CLVS1: variants seen among roughly 807,000 people sequenced by gnomAD.
The protein encoded by CLVS1 is clavesin 1.
A neutral mutation model predicts 33.1 loss-of-function variants in CLVS1; 10 were observed. That is an observed-to-expected ratio of 0.30 (90% CI 0.19 to 0.51). CLVS1 has a LOEUF of 0.51. Among genes scored for constraint, CLVS1 ranks in the 20% least tolerant of loss-of-function variants. The pLI is 0.97. For synonymous variants in CLVS1, 163 were observed against 166.1 expected (o/e 0.98, Z 0.14); for missense variants, 343 against 433.4 (o/e 0.79, Z 1.85).
intron 2 of CLVS1, among the ~76,000 whole-genome samples, chr8:61,167,764 G>A (rs1042700760): frequency 6.6e-6 from 1 of 152,090 alleles, no homozygotes; most frequent in Non-Finnish European, 1.5e-5. Flanking sequence ...TAAAGAAGCC[G>A]GCTAAAACCC....
chr8:61,016,436 C>T, the CLVS1 span, among the ~76,000 whole-genome samples: 23,056 of 152,202 alleles, frequency 0.15, 2,009 homozygotes, highest in East Asian at 0.3. Context: ...TCACCAAGGG[C>T]TCTGTCTGAC....
chr8:61,310,988 A>G (rs556324524), intron 2 of CLVS1, among the ~76,000 whole-genome samples: 35 of 152,294 alleles, frequency 2.3e-4, no homozygotes, highest in African/African-American at 7.5e-4. Flanking sequence ...TGTATTCTGT[A>G]GAACTGTGAG....
chr8:61,499,942 G>GTA lies in CLVS1; in HGVS notation c.*402_*403dup, dbSNP rs1804512054. 1.1e-5 allele frequency: 2 copies of GTA among 175,118 alleles called. No homozygotes were observed. Among genetic ancestry groups the GTA allele is most frequent in the East Asian group, 1.4e-4 (1 of 7,216 alleles). The allele number at this position is 175,118 out of a possible 1,614,324, so 10.8% of individuals were successfully genotyped here. ...AAATTAAGTGCATTTCCAAGTAAAT[G>GTA]TATCAGAGTTAAACTGTACAGACAC... On this transcript the variant is annotated 3_prime_UTR_variant, in exon 6 of 6. Transcript: ENST00000325897.
At chr8:61,376,466 C>T in intron 2 of CLVS1, 139 bp from the exon 3 acceptor site, 1 of 679,772 alleles carries the variant, frequency 1.5e-6, no homozygotes, top group Non-Finnish European at 2.4e-6. Flanking sequence ...ATTTTCAGTC[C>T]CTTTGGGTAC....
At chr8:61,412,964 A>T (rs1428956336) in intron 3 of CLVS1, among the ~76,000 whole-genome samples, 2 of 152,178 alleles carry the variant, frequency 1.3e-5, no homozygotes, top group East Asian at 3.8e-4. Flanking sequence ...CTAATAATGG[A>T]TGCTTATTTC....
chr8:61,399,179 G>A (rs559103740), intron 3 of CLVS1, among the ~76,000 whole-genome samples: 32 of 152,280 alleles, frequency 2.1e-4, no homozygotes, highest in African/African-American at 7.5e-4. Context: ...CAGTGTAAAA[G>A]TGTTCCTTTT....
intron 1 of CLVS1, among the ~76,000 whole-genome samples, chr8:61,077,441 GTAT>G (rs57149995): frequency 0.17 from 22,952 of 137,920 alleles, 1,827 homozygotes; most frequent in Admixed American, 0.19. Context: ...CCCTCTAAAA[GTAT>G]TATTATTATT....
At chr8:60,972,444 T>A in the CLVS1 span, among the ~76,000 whole-genome samples, 1 of 152,272 alleles carries the variant, frequency 6.6e-6, no homozygotes, top group African/African-American at 2.4e-5. Context: ...TTAAAACTCA[T>A]GAAAAGACAC....
chr8:60,988,015 T>C, the CLVS1 span, among the ~76,000 whole-genome samples: 7 of 152,198 alleles, frequency 4.6e-5, no homozygotes, highest in East Asian at 1.9e-4. Flanking sequence ...GAGAGACATC[T>C]GGGAAGGTAG....
chr8:61,458,705 T>C (rs939289537), intron 5 of CLVS1, 163 bp downstream of exon 5: 22 of 575,420 alleles, frequency 3.8e-5, no homozygotes, highest in Non-Finnish European at 6.6e-5. Flanking sequence ...TGAAAACAAA[T>C]GGGGCTTGGC....
chr8:61,150,318 A>T (rs1806503898), intron 2 of CLVS1, among the ~76,000 whole-genome samples: 1 of 152,162 alleles, frequency 6.6e-6, no homozygotes, highest in Non-Finnish European at 1.5e-5. Context: ...CTACACAGAG[A>T]GCCAGGGGCA....
chr8:61,260,172 C>A (rs910430175), intron 2 of CLVS1, among the ~76,000 whole-genome samples: 2 of 152,228 alleles, frequency 1.3e-5, no homozygotes, highest in African/African-American at 4.8e-5. Flanking sequence ...CTCTTCAGAG[C>A]ACTTACATGC....
At chr8:61,074,931 C>T (rs1804881505) in intron 1 of CLVS1, among the ~76,000 whole-genome samples, 1 of 152,138 alleles carries the variant, frequency 6.6e-6, no homozygotes, top group South Asian at 2.1e-4. Context: ...TTTATCTGAT[C>T]TCAGAGAATC....
At chr8:61,459,275 G>T (rs1344025771) in intron 5 of CLVS1, among the ~76,000 whole-genome samples, 1 of 152,126 alleles carries the variant, frequency 6.6e-6, no homozygotes, top group Non-Finnish European at 1.5e-5. Flanking sequence ...TCAATGGAGT[G>T]CCATAAAAGA....
At chr8:61,378,336 A>C (rs1320713741) in intron 3 of CLVS1, 1 of 152,154 alleles carries the variant, frequency 6.6e-6, no homozygotes, top group African/African-American at 2.4e-5. Context: ...TGGATTACTT[A>C]ATACGTCCCT....
rs571688073 is a variant in CLVS1 at position 61,128,613 on chromosome 8, C to T, written c.-242-3157C>T. ...GGGGCCACCAAGTGTGACATCAGTC[C>T]CTGTGCTCTTTCATCCTACCCTGGT... On this transcript the variant is annotated intron_variant, in intron 1 of 2. Transcript: ENST00000522621. Among the ~76,000 whole-genome samples the T allele has an allele frequency of 2.6e-5, 4 of 152,306 alleles. No individual in the cohort carries two copies. The South Asian group carries it at 8.3e-4, about 32-fold the overall frequency.
intron 2 of CLVS1, among the ~76,000 whole-genome samples, chr8:61,174,346 G>A (rs1392214675): frequency 6.6e-6 from 1 of 152,108 alleles, no homozygotes; most frequent in African/African-American, 2.4e-5. Flanking sequence ...AGAGGAAGGA[G>A]AATCACTTGA....
intron 5 of CLVS1, among the ~76,000 whole-genome samples, chr8:61,462,983 G>A (rs1817420169): frequency 6.6e-6 from 1 of 152,116 alleles, no homozygotes; most frequent in Non-Finnish European, 1.5e-5. Context: ...TCCAATAGAA[G>A]GCTGTTTTGT....
At chr8:61,486,094 A>G (rs906384492) in intron 5 of CLVS1, among the ~76,000 whole-genome samples, 2 of 127,116 alleles carry the variant, frequency 1.6e-5, no homozygotes, top group Non-Finnish European at 3.5e-5. Flanking sequence ...CTTAAAGTAT[A>G]ATTAAAATAA....
Sources: gnomAD v4.1 joint callset for allele counts (sites outside exome capture counted in the v4.1 genomes callset) on GRCh38, gnomAD v4.1.1 for gene constraint, MANE v1.5 for transcripts, NCBI Gene and HGNC (gene_info 2026-07-23, HGNC 2026-07-21) for gene names.